DEPDC1B: variants seen among roughly 807,000 people sequenced by gnomAD.
The protein encoded by DEPDC1B is DEP domain-containing protein 1B.
In DEPDC1B, 51 loss-of-function variants were observed where a neutral mutation model predicts 66.5. That is an observed-to-expected ratio of 0.77 (90% CI 0.61 to 0.97). The LOEUF is 0.97. Ranked by LOEUF, DEPDC1B falls within the 50% of genes least tolerant of loss-of-function variation. The pLI, the probability that DEPDC1B is intolerant of heterozygous loss-of-function variation, is 0.00. For missense variants in DEPDC1B, 552 were observed against 637.1 expected (o/e 0.87, Z 1.44); for synonymous variants, 226 against 223.6 (o/e 1.01, Z -0.10).
At chr5:60,688,173 T>C (rs1057413813) in intron 1 of DEPDC1B, among the ~76,000 whole-genome samples, 4 of 152,106 alleles carry the variant, frequency 2.6e-5, no homozygotes, top group African/African-American at 9.7e-5. Flanking sequence ...GCCACAAAGA[T>C]AAACCTTTGA....
chr5:60,645,636 G>A lies in DEPDC1B; in HGVS notation c.451-17C>T, dbSNP rs374609041. On this transcript the variant is annotated splice_polypyrimidine_tract_variant and intron_variant, in intron 3 of 10. Transcript: ENST00000265036. ...CTCAGAATTCTAATGGAGGGGGGAT[G>A]TAAGAAGGGAGGGAAGGAGAAACGG... The A allele has an allele frequency of 5.8e-5, 92 of 1,595,848 alleles. No homozygotes were observed. Among genetic ancestry groups the A allele is most frequent in the Non-Finnish European group, 7.7e-5 (90 of 1,171,438 alleles).
At chr5:60,661,885 G>A (rs371064931) in intron 2 of DEPDC1B, among the ~76,000 whole-genome samples, 4 of 152,084 alleles carry the variant, frequency 2.6e-5, no homozygotes, top group Non-Finnish European at 2.9e-5. Context: ...ACTAACTTGC[G>A]TGCTAGAAGG....
At chr5:60,664,009 G>A (rs989536308) in intron 2 of DEPDC1B, among the ~76,000 whole-genome samples, 8 of 152,140 alleles carry the variant, frequency 5.3e-5, no homozygotes, top group Non-Finnish European at 8.8e-5. Context: ...TCCCAGGTAC[G>A]GTGAAATAGC....
intron 7 of DEPDC1B, among the ~76,000 whole-genome samples, chr5:60,632,415 G>A (rs1205754723): frequency 6.6e-6 from 1 of 152,236 alleles, no homozygotes; most frequent in African/African-American, 2.4e-5. Context: ...GCCTTGATTG[G>A]AGCCTGGTCC....
chr5:60,656,223 C>T (rs182149170), intron 2 of DEPDC1B, among the ~76,000 whole-genome samples: 296 of 145,752 alleles, frequency 2.0e-3, no homozygotes, highest in African/African-American at 7.2e-3. Flanking sequence ...TACAGTGGTG[C>T]GATTTTGGCT....
intron 9 of DEPDC1B, among the ~76,000 whole-genome samples, chr5:60,602,118 G>C (rs891567220): frequency 6.0e-5 from 9 of 151,146 alleles, no homozygotes; most frequent in Non-Finnish European, 1.0e-4. Flanking sequence ...AAGGGAGGCA[G>C]GCAGGAAGGG....
At chr5:60,650,030 A>G (rs1753408331) in intron 2 of DEPDC1B, among the ~76,000 whole-genome samples, 1 of 151,924 alleles carries the variant, frequency 6.6e-6, no homozygotes, top group African/African-American at 2.4e-5. Flanking sequence ...TAAAAATATT[A>G]ATATAAAAAT....
chr5:60,601,478 A>G (rs1181635314), intron 9 of DEPDC1B, among the ~76,000 whole-genome samples: 2 of 152,228 alleles, frequency 1.3e-5, no homozygotes, highest in Non-Finnish European at 1.5e-5. Context: ...ATTTGGCAAT[A>G]TGCTATAGAT....
At chr5:60,619,371 A>G (rs200763240) in intron 7 of DEPDC1B, among the ~76,000 whole-genome samples, 1 of 151,960 alleles carries the variant, frequency 6.6e-6, no homozygotes, top group African/African-American at 2.4e-5. Context: ...AGATGACATG[A>G]TTGTATATCT....
intron 2 of DEPDC1B, among the ~76,000 whole-genome samples, chr5:60,678,518 C>T (rs1393415039): frequency 6.6e-6 from 1 of 152,174 alleles, no homozygotes; most frequent in South Asian, 2.1e-4. Context: ...AGGTGTCCAA[C>T]AGCAATGTAT....
intron 2 of DEPDC1B, among the ~76,000 whole-genome samples, chr5:60,666,308 T>G (rs1365910070): frequency 6.6e-6 from 1 of 152,180 alleles, no homozygotes; most frequent in South Asian, 2.1e-4. Flanking sequence ...CTGCTTCTAA[T>G]AGAGCTATAA....
intron 6 of DEPDC1B, among the ~76,000 whole-genome samples, chr5:60,641,737 T>A (rs1753196768): frequency 6.6e-6 from 1 of 152,124 alleles, no homozygotes; most frequent in Admixed American, 6.5e-5. Flanking sequence ...AATTTAAATT[T>A]CATTGACTTC....
intron 1 of DEPDC1B, among the ~76,000 whole-genome samples, chr5:60,695,867 C>T (rs559241360): frequency 1.3e-5 from 2 of 152,244 alleles, no homozygotes; most frequent in East Asian, 3.9e-4. Flanking sequence ...GGCGTGATCT[C>T]GGCTGACTGC....
intron 7 of DEPDC1B, among the ~76,000 whole-genome samples, chr5:60,618,262 A>G (rs989434832): frequency 6.6e-6 from 1 of 152,148 alleles, no homozygotes; most frequent in Non-Finnish European, 1.5e-5. Flanking sequence ...TCAAAAGCCA[A>G]CAGAAGGCAA....
intron 1 of DEPDC1B, among the ~76,000 whole-genome samples, chr5:60,689,721 T>G (rs973452794): frequency 6.6e-6 from 1 of 151,950 alleles, no homozygotes; most frequent in African/African-American, 2.4e-5. Context: ...GGATTCACCA[T>G]GTAGAAGCAG....
In DEPDC1B at chr5:60,700,039, C is replaced by T; in HGVS notation, c.48+7G>A. 2 of 1,555,242 alleles carry T rather than the reference C, an allele frequency of 1.3e-6. No individual in the cohort carries two copies. The highest frequency in any genetic ancestry group is 1.7e-6 in the Non-Finnish European group (2 of 1,151,056). ...TGCTCCGCCCAGGCCCCAGCACACTCACTCACCAGCCTGGTAGCTCGGTAC... is the reference window on the plus strand; with the variant it reads ...TGCTCCGCCCAGGCCCCAGCACACTTACTCACCAGCCTGGTAGCTCGGTAC... On this transcript the variant is annotated splice_region_variant and intron_variant, in intron 1 of 10. Coordinates refer to ENST00000265036, the MANE Select transcript of DEPDC1B (RefSeq NM_018369.3).
chr5:60,625,806 G>A (rs1752798364), intron 7 of DEPDC1B, among the ~76,000 whole-genome samples: 1 of 152,068 alleles, frequency 6.6e-6, no homozygotes, highest in South Asian at 2.1e-4. Context: ...TTTGTTGTGG[G>A]AGGTTTGTTT....
At chr5:60,620,334 C>A (rs1027842109) in intron 7 of DEPDC1B, among the ~76,000 whole-genome samples, 2 of 152,096 alleles carry the variant, frequency 1.3e-5, no homozygotes, top group Non-Finnish European at 2.9e-5. Flanking sequence ...AAAGCAACTA[C>A]CATCAGAGTG....
At chr5:60,674,046 A>T (rs1373859003) in intron 2 of DEPDC1B, among the ~76,000 whole-genome samples, 1 of 152,236 alleles carries the variant, frequency 6.6e-6, no homozygotes. Context: ...CAAACTCAGG[A>T]ATAAAGAGGT....
Sources: allele counts gnomAD v4.1 joint callset (sites outside exome capture counted in the v4.1 genomes callset), GRCh38; gene constraint gnomAD v4.1.1; transcripts MANE v1.5; gene names NCBI Gene and HGNC (gene_info 2026-07-23, HGNC 2026-07-21).